Variants in L2HGDH observed in about 807,000 individuals in gnomAD.
L2HGDH encodes the protein L-2-hydroxyglutarate dehydrogenase, also known as L-2-hydroxyglutarate dehydrogenase, mitochondrial.
Under a neutral mutation model 51.5 loss-of-function variants are expected in L2HGDH, and 34 were observed. The ratio of observed to expected loss-of-function variants is 0.66; its 90% CI spans 0.50 to 0.88. The LOEUF (loss-of-function observed/expected upper bound fraction) is 0.88, where lower values mean the gene tolerates loss of function less well. L2HGDH is among the 40% of genes least tolerant of loss of function. The pLI is 0.00. For missense variants in L2HGDH, 558 were observed against 571.9 expected, an observed-to-expected ratio of 0.98 and a Z score of 0.25; for synonymous variants, 198 against 197.9, an observed-to-expected ratio of 1.00 and a Z score of -0.01.
At chr14:50,310,809 A>T (rs184274460) in intron 1 of L2HGDH, among the ~76,000 whole-genome samples, 25 of 152,246 alleles carry the variant, frequency 1.6e-4, no homozygotes, top group African/African-American at 6.0e-4. Flanking sequence ...CATGCCCCAT[A>T]ACAAATCACA....
chr14:50,311,322 C>T (rs146876625), intron 1 of L2HGDH: 94 of 455,978 alleles, frequency 2.1e-4, no homozygotes, highest in African/African-American at 1.7e-3. Context: ...TGGGTCATTC[C>T]ACACCATATG....
At chr14:50,276,252 C>G (rs1289235870) in intron 6 of L2HGDH, among the ~76,000 whole-genome samples, 3 of 152,154 alleles carry the variant, frequency 2.0e-5, no homozygotes, top group African/African-American at 7.2e-5. Flanking sequence ...AAACTAGAAA[C>G]CATGACCAGC....
rs1308681929 is a variant in L2HGDH, at chr14:50,280,457, G to A, written c.704-1903C>T. On this transcript the variant is annotated intron_variant, in intron 5 of 9. Transcript: ENST00000267436. ...TGGGATTACAGGCGTGAGCCAACGC[G>A]CCTCCCAGGTCACTGCTTTATATAG... Among the ~76,000 whole-genome samples, 4 of 152,048 alleles carry A rather than the reference G, an allele frequency of 2.6e-5. No individual in the cohort carries two copies. The East Asian group carries it at 5.8e-4, about 22-fold the overall frequency.
At chr14:50,258,303 C>T (rs1209311952) in intron 9 of L2HGDH, among the ~76,000 whole-genome samples, 2 of 147,754 alleles carry the variant, frequency 1.4e-5, no homozygotes, top group South Asian at 2.2e-4. Context: ...GCAGCCCTGA[C>T]CTCCCAGATT....
At chr14:50,257,318 T>C (rs972776265) in intron 9 of L2HGDH, among the ~76,000 whole-genome samples, 45 of 152,118 alleles carry the variant, frequency 3.0e-4, no homozygotes, top group Admixed American at 7.2e-4. Context: ...GATAATTTCC[T>C]CTTAAGGTAG....
chr14:50,282,565 TAC>T, intron 5 of L2HGDH: 1 of 455,856 alleles, frequency 2.2e-6, no homozygotes, highest in South Asian at 1.6e-5. Flanking sequence ...GGGCTTTAGG[TAC>T]AGTCTATGAG....
At chr14:50,272,840 T>TA (rs1889773724) in intron 6 of L2HGDH, among the ~76,000 whole-genome samples, 1 of 152,164 alleles carries the variant, frequency 6.6e-6, no homozygotes, top group Non-Finnish European at 1.5e-5. Flanking sequence ...CCTGCCTCTA[T>TA]AGACCCATGG....
At chr14:50,278,593 A>C (rs779838384) in intron 5 of L2HGDH, 39 bp from the exon 6 acceptor site, 26 of 1,063,324 alleles carry the variant, frequency 2.4e-5, no homozygotes, top group Non-Finnish European at 3.6e-5. Context: ...ATTTTTAGCA[A>C]AAGGCCAACA....
At chr14:50,284,969 C>T (rs541079761) in intron 4 of L2HGDH, among the ~76,000 whole-genome samples, 3 of 152,262 alleles carry the variant, frequency 2.0e-5, no homozygotes, top group South Asian at 4.1e-4. Flanking sequence ...ATTTTGCGGC[C>T]GGGCGCAGTG....
chr14:50,302,766 A>G, intron 2 of L2HGDH, 136 bp downstream of exon 2: 1 of 722,244 alleles, frequency 1.4e-6, no homozygotes, highest in African/African-American at 1.7e-5. Flanking sequence ...ACCTATAGCC[A>G]TGTCCTTGTC....
intron 4 of L2HGDH, among the ~76,000 whole-genome samples, chr14:50,285,115 C>T (rs1387341062): frequency 3.3e-5 from 5 of 152,078 alleles, no homozygotes; most frequent in South Asian, 4.1e-4. Context: ...AACGTGGTGG[C>T]GGGCACCTGT....
In L2HGDH at chr14:50,245,498, C is replaced by T; in HGVS notation, c.*1560G>A. The T allele has an allele frequency of 1.0e-6, 1 of 977,304 alleles. No homozygotes were observed. The highest frequency in any genetic ancestry group is 1.2e-6 in the Non-Finnish European group (1 of 822,750). The allele number at this position is 977,304 out of a possible 1,614,324, so 60.5% of individuals were successfully genotyped here. A position where few individuals can be genotyped will look rare whatever the true frequency, so the allele number is the denominator to read the frequency against. The stretch of plus-strand genomic sequence containing the variant: ...GGCTTTGAGTTTGTTTTGTTATTTC[C>T]TACAAATATTATAATTAAGATAGAA... On this transcript the variant is annotated 3_prime_UTR_variant, in exon 10 of 10. Transcript: ENST00000267436.
intron 8 of L2HGDH, among the ~76,000 whole-genome samples, chr14:50,267,313 G>A (rs1247411984): frequency 6.6e-6 from 1 of 151,972 alleles, no homozygotes; most frequent in African/African-American, 2.4e-5. Context: ...CTCCCAAGTA[G>A]CTGGGACTAC....
At chr14:50,271,930 CAGG>C in intron 6 of L2HGDH, among the ~76,000 whole-genome samples, 1 of 152,212 alleles carries the variant, frequency 6.6e-6, no homozygotes, top group South Asian at 2.1e-4. Context: ...CACTTGAGGC[CAGG>C]AGTTCAAGAC....
At position 50,267,895 on chromosome 14, in the gene L2HGDH, A is replaced by G. The variant is rs754349388; in HGVS notation, c.922T>C (p.Phe308Leu). The stretch of plus-strand genomic sequence containing the variant: ...GTGAAGTGAACTCCTAGGAAAGGAA[A>G]CCGGCTATCTGGGACCTATAAATTT... ...GNIYPVPDSRFPFLGVHFTPR... is the reference protein window; with the variant it reads ...GNIYPVPDSRLPFLGVHFTPR... Residue 308 changes from phenylalanine (F) to leucine (L), a missense_variant, in exon 8 of 10, where the codon TTT becomes CTT. Physicochemically the swap from Phe to Leu is conservative, Grantham distance 22. Transcript: ENST00000267436. The G allele has an allele frequency of 2.2e-5, 35 of 1,614,090 alleles. No homozygotes were observed. Among genetic ancestry groups the G allele is most frequent in the Non-Finnish European group, 3.0e-5 (35 of 1,179,930 alleles).
At chr14:50,295,935 C>T (rs903243726) in intron 3 of L2HGDH, among the ~76,000 whole-genome samples, 11 of 150,918 alleles carry the variant, frequency 7.3e-5, no homozygotes, top group Non-Finnish European at 1.5e-4. Flanking sequence ...AATGGGGTTT[C>T]ACCATGTTGG....
At chr14:50,274,600 A>T (rs977044581) in intron 6 of L2HGDH, among the ~76,000 whole-genome samples, 1 of 152,156 alleles carries the variant, frequency 6.6e-6, no homozygotes, top group Non-Finnish European at 1.5e-5. Flanking sequence ...AAATAGAACT[A>T]CCATATGATT....
At chr14:50,267,968 G>T in intron 7 of L2HGDH, 58 bp from the exon 8 acceptor site, 1 of 1,486,508 alleles carries the variant, frequency 6.7e-7, no homozygotes, top group Non-Finnish European at 9.4e-7. Flanking sequence ...TATCAGAGAT[G>T]CAAACATTCA....
At chr14:50,254,817 T>C (rs1352166298) in intron 9 of L2HGDH, among the ~76,000 whole-genome samples, 1 of 151,930 alleles carries the variant, frequency 6.6e-6, no homozygotes, top group Non-Finnish European at 1.5e-5. Context: ...AGCAGGTGGA[T>C]CACTTGAACA....
Sources: allele counts gnomAD v4.1 joint callset (sites outside exome capture counted in the v4.1 genomes callset), GRCh38; gene constraint gnomAD v4.1.1; transcripts MANE v1.5; gene names NCBI Gene and HGNC (gene_info 2026-07-23, HGNC 2026-07-21).